The following EXTL3 variants were observed in gnomAD, a reference collection of about 807,000 sequenced individuals.
EXTL3 encodes the protein exostosin-like 3.
In EXTL3, 27 loss-of-function variants were observed where a neutral mutation model predicts 69.3. The observed-to-expected ratio is 0.39, with a 90% CI of 0.29 to 0.54. The LOEUF (loss-of-function observed/expected upper bound fraction) is 0.54, where lower values mean the gene tolerates loss of function less well. EXTL3 is among the 20% of genes least tolerant of loss of function. The pLI is 0.69. For synonymous variants in EXTL3, 511 were observed against 499.4 expected (o/e 1.02, Z -0.31); for missense variants, 1,003 against 1,231.8 (o/e 0.81, Z 2.78).
At chr8:28,684,568 C>T (rs1195480196) in intron 1 of EXTL3, among the ~76,000 whole-genome samples, 1 of 152,094 alleles carries the variant, frequency 6.6e-6, no homozygotes, top group East Asian at 1.9e-4. Flanking sequence ...CACAGCAAGA[C>T]CTGTTTCTAT....
intron 1 of EXTL3, among the ~76,000 whole-genome samples, chr8:28,659,215 CT>C (rs1022695696): frequency 2.6e-5 from 4 of 151,484 alleles, no homozygotes; most frequent in Non-Finnish European, 4.4e-5. Flanking sequence ...TTACATACTT[CT>C]TATATGTTGC....
chr8:28,660,180 T>C (rs979576649), intron 1 of EXTL3, among the ~76,000 whole-genome samples: 1 of 152,082 alleles, frequency 6.6e-6, no homozygotes, highest in East Asian at 1.9e-4. Context: ...CTGGGTAACA[T>C]ACCAAGACCT....
intron 2 of EXTL3, among the ~76,000 whole-genome samples, chr8:28,608,529 T>G (rs1360935628): frequency 1.3e-5 from 2 of 152,120 alleles, no homozygotes; most frequent in African/African-American, 4.8e-5. Flanking sequence ...TGCTGTCTCA[T>G]AGAACTTCCC....
chr8:28,712,916 T>C (rs1801060416), intron 1 of EXTL3, among the ~76,000 whole-genome samples: 1 of 152,222 alleles, frequency 6.6e-6, no homozygotes, highest in African/African-American at 2.4e-5. Flanking sequence ...TAGTATCTTT[T>C]AGAATTTTTG....
At chr8:28,713,343 A>G in intron 1 of EXTL3, 114 bp from the exon 2 acceptor site, 1 of 584,644 alleles carries the variant, frequency 1.7e-6, no homozygotes, top group Non-Finnish European at 3.0e-6. Flanking sequence ...CATAAGAGAA[A>G]TCTTTTCATA....
chr8:28,635,055 T>C (rs1301331621), intron 1 of EXTL3, among the ~76,000 whole-genome samples: 1 of 152,076 alleles, frequency 6.6e-6, no homozygotes, highest in African/African-American at 2.4e-5. Context: ...GTGTGAAGGC[T>C]GTAAATGAGG....
intron 2 of EXTL3, among the ~76,000 whole-genome samples, chr8:28,608,610 C>G (rs1435902699): frequency 6.6e-6 from 1 of 152,042 alleles, no homozygotes; most frequent in Non-Finnish European, 1.5e-5. Context: ...CACCTGTAAT[C>G]TTAGCATTTT....
At chr8:28,633,353 A>T (rs1806600391) in intron 1 of EXTL3, among the ~76,000 whole-genome samples, 1 of 151,940 alleles carries the variant, frequency 6.6e-6, no homozygotes, top group Non-Finnish European at 1.5e-5. Flanking sequence ...ATAATAATAA[A>T]AATAAAAAAA....
chr8:28,742,738 T>A, intron 5 of EXTL3: 1 of 306,800 alleles, frequency 3.3e-6, no homozygotes, highest in Non-Finnish European at 6.3e-6. Context: ...TATCTTTTTT[T>A]TTTTTTTTGG....
intron 5 of EXTL3, chr8:28,740,842 A>G (rs1459370440): frequency 2.6e-5 from 4 of 152,196 alleles, no homozygotes; most frequent in African/African-American, 4.8e-5. Context: ...TGATCACTCA[A>G]TTCTTAAATT....
At position 28,751,667 on chromosome 8, in the gene EXTL3, C is replaced by G. The variant is rs544071680; in HGVS notation, c.*801C>G. Reference sequence around the variant, plus strand: ...GCCAGGCTTGCCTCCGTACTTATCCCTGCTCTCCCATTTCTCTCTTGTTTG... The same window carrying G: ...GCCAGGCTTGCCTCCGTACTTATCCGTGCTCTCCCATTTCTCTCTTGTTTG... On this transcript the variant is annotated 3_prime_UTR_variant, in exon 7 of 7. Transcript: ENST00000220562. 1 of 152,236 alleles carries G rather than the reference C, an allele frequency of 6.6e-6. No individual in the cohort carries two copies. Among genetic ancestry groups the G allele is most frequent in the Admixed American group, 6.5e-5 (1 of 15,284 alleles). The allele number at this position is 152,236 out of a possible 1,614,324, so 9.4% of individuals were successfully genotyped here. A position where few individuals can be genotyped will look rare whatever the true frequency, so the allele number is the denominator to read the frequency against.
intron 3 of EXTL3, among the ~76,000 whole-genome samples, chr8:28,723,575 AAG>A (rs1801343222): frequency 6.6e-6 from 1 of 151,962 alleles, no homozygotes. Flanking sequence ...CTGAGACTGT[AAG>A]AATTCTGTTG....
chr8:28,662,268 C>T (rs1168833794), intron 1 of EXTL3, among the ~76,000 whole-genome samples: 1 of 151,992 alleles, frequency 6.6e-6, no homozygotes, highest in Non-Finnish European at 1.5e-5. Context: ...CACAGCTTTT[C>T]CTCACATATA....
At chr8:28,654,158 G>A (rs1033424344) in intron 1 of EXTL3, among the ~76,000 whole-genome samples, 1 of 152,142 alleles carries the variant, frequency 6.6e-6, no homozygotes, top group Non-Finnish European at 1.5e-5. Flanking sequence ...AATATAAGAG[G>A]GTCTTTCTGA....
In EXTL3 at chr8:28,716,236, G is replaced by GGCTGATGAC; in HGVS notation, c.179_180insTGATGACGC (p.Ala60_Gly61insAspAspAla). ...TCACCACTCTGGATGAGGCTGATGA[G>GGCTGATGAC]GCAGGCAAGCGGATTTTTGGTCCCC... On this transcript the variant is annotated inframe_insertion, in exon 3 of 7. Transcript: ENST00000220562. The surrounding 1 kb of genome is among the most constrained non-coding windows in gnomAD (Gnocchi z 7.1). 6.2e-7 allele frequency: 1 copy of GGCTGATGAC among 1,614,224 alleles called. No homozygotes were observed.
chr8:28,610,215 A>ATGTGTGTGTGTGTGTGTGTGTGTG (rs367793242), intron 2 of EXTL3, among the ~76,000 whole-genome samples: 50 of 149,430 alleles, frequency 3.3e-4, no homozygotes, highest in African/African-American at 1.2e-3. Context: ...AAATATGTAT[A>ATGTGTGTGTGTGTGTGTGTGTGTG]TGTGTGTGTG....
rs749286787 is a variant in EXTL3, at chr8:28,716,571, C to A, written c.512C>A (p.Pro171Gln). The A allele has an allele frequency of 1.9e-6, 3 of 1,614,214 alleles. No individual in the cohort carries two copies. Among genetic ancestry groups the A allele is most frequent in the Admixed American group, 1.7e-5 (1 of 60,030 alleles). ...PEKDDAGLPP[P>Q]KATRGCRLHN... The stretch of plus-strand genomic sequence containing the variant: ...AAGGACGATGCCGGCCTCCCTCCCC[C>A]GAAGGCCACTCGGGGCTGCCGGCTA... The change falls in exon 3 of 7, where the codon CCG becomes CAG. Residue 171 changes from proline to glutamine, a missense_variant. By Grantham distance (76) the Pro-to-Gln change is moderately conservative. Around this residue, in one of 2 missense-constraint regions of EXTL3, gnomAD observed 742 missense variants for 815.4 expected, o/e 0.91. Coordinates refer to ENST00000220562, the MANE Select transcript of EXTL3 (RefSeq NM_001440.4). The surrounding 1 kb of genome is among the most constrained non-coding windows in gnomAD (Gnocchi z 7.1).
At position 28,716,175 on chromosome 8, in the gene EXTL3, TC is replaced by T; in HGVS notation, c.118del (p.Leu40TrpfsTer37). ...LTWLSFTLFVILVFFPLIAHY... is the reference protein window; with the variant it reads ...LTWLSFTLFVXLVFFPLIAHY... ...TGGCTCAGCTTCACGCTCTTTGTCA[TC>T]CTGGTCTTCTTCCCGCTCATCGCCC... On this transcript the variant is annotated frameshift_variant, in exon 3 of 7. Transcript: ENST00000220562. LOFTEE classifies it high-confidence loss of function. This position sits in a 1 kb window ranked among gnomAD's most constrained non-coding sequence, Gnocchi z 7.1. The T allele has an allele frequency of 6.2e-7, 1 of 1,614,176 alleles. No individual in the cohort carries two copies. The highest frequency in any genetic ancestry group is 8.5e-7 in the Non-Finnish European group (1 of 1,180,048).
At chr8:28,743,029 A>C in intron 5 of EXTL3, 57 bp from the exon 6 acceptor site, 2 of 1,609,114 alleles carry the variant, frequency 1.2e-6, no homozygotes, top group Non-Finnish European at 1.7e-6. Flanking sequence ...TTTTGGCTGA[A>C]AGCCAACAAC....
Sources: gnomAD v4.1 joint callset for allele counts (sites outside exome capture counted in the v4.1 genomes callset) on GRCh38, gnomAD v4.1.1 for gene constraint, gnomAD v4.1.1 regional missense constraint, Gnocchi (gnomAD v3.1) non-coding constraint, MANE v1.5 for transcripts, NCBI Gene and HGNC (gene_info 2026-07-23, HGNC 2026-07-21) for gene names.